The following PAPPA2 variants were observed in gnomAD, a reference collection of about 807,000 sequenced individuals.
The protein encoded by PAPPA2 is pappalysin 2.
Under a neutral mutation model 176.4 loss-of-function variants are expected in PAPPA2, and 86 were observed. The ratio of observed to expected loss-of-function variants is 0.49; its 90% CI spans 0.41 to 0.58. PAPPA2 has a LOEUF of 0.58. PAPPA2 is among the 20% of genes least tolerant of loss of function. The pLI is 0.00. For missense variants in PAPPA2, 2,073 were observed against 2,256.9 expected (o/e 0.92, Z 1.65); for synonymous variants, 809 against 852.2 (o/e 0.95, Z 0.88).
At chr1:176,724,091 A>G (rs886634013) in intron 12 of PAPPA2, among the ~76,000 whole-genome samples, 1 of 152,342 alleles carries the variant, frequency 6.6e-6, no homozygotes, top group Non-Finnish European at 1.5e-5. Context: ...GCCTCCTTCA[A>G]TTAGCATTCA....
chr1:176,478,658 C>T (rs878884923), intron 1 of PAPPA2, among the ~76,000 whole-genome samples: 1 of 152,230 alleles, frequency 6.6e-6, no homozygotes, highest in South Asian at 2.1e-4. Flanking sequence ...TATTGTGCCA[C>T]AATGTTCTTG....
At chr1:176,544,783 A>G (rs188990546) in intron 1 of PAPPA2, among the ~76,000 whole-genome samples, 68 of 152,312 alleles carry the variant, frequency 4.5e-4, no homozygotes, top group Admixed American at 1.0e-3. Flanking sequence ...TACAAATCTG[A>G]GGTTCCCATA....
intron 2 of PAPPA2, among the ~76,000 whole-genome samples, chr1:176,583,471 C>T (rs1455208304): frequency 4.0e-5 from 6 of 151,846 alleles, no homozygotes; most frequent in South Asian, 4.2e-4. Flanking sequence ...ATTTCTTCAC[C>T]CATTAGATAT....
chr1:176,768,167 C>T (rs1664060966), intron 15 of PAPPA2, among the ~76,000 whole-genome samples: 1 of 152,154 alleles, frequency 6.6e-6, no homozygotes, highest in Non-Finnish European at 1.5e-5. Context: ...TTCAAACAAG[C>T]CATAAGCTTC....
intron 1 of PAPPA2, among the ~76,000 whole-genome samples, chr1:176,550,985 T>C (rs975766025): frequency 2.6e-5 from 4 of 152,140 alleles, no homozygotes; most frequent in African/African-American, 9.7e-5. Flanking sequence ...GTGAAGACAG[T>C]GCGTAGCCAG....
At chr1:176,578,525 T>C (rs1489371677) in intron 2 of PAPPA2, among the ~76,000 whole-genome samples, 1 of 152,134 alleles carries the variant, frequency 6.6e-6, no homozygotes, top group African/African-American at 2.4e-5. Context: ...CCTTTCTTGT[T>C]CCTGTGGTAA....
intron 4 of PAPPA2, among the ~76,000 whole-genome samples, chr1:176,672,312 G>A (rs1444469580): frequency 6.6e-6 from 1 of 151,988 alleles, no homozygotes; most frequent in South Asian, 2.1e-4. Context: ...GTTGGAAAAA[G>A]AATAGTTAGA....
intron 17 of PAPPA2, among the ~76,000 whole-genome samples, chr1:176,777,640 G>A (rs1358017400): frequency 6.6e-6 from 1 of 151,974 alleles, no homozygotes. Flanking sequence ...CTATTTATTA[G>A]CTTTTTGACC....
At chr1:176,818,361 T>G (rs754100547) in intron 21 of PAPPA2, among the ~76,000 whole-genome samples, 5 of 152,170 alleles carry the variant, frequency 3.3e-5, no homozygotes, top group Non-Finnish European at 7.4e-5. Context: ...ACAAAGTTTA[T>G]AGAGTAGCAG....
chr1:176,720,480 CT>C (rs1661569127), intron 12 of PAPPA2, among the ~76,000 whole-genome samples: 1 of 152,050 alleles, frequency 6.6e-6, no homozygotes, highest in Non-Finnish European at 1.5e-5. Flanking sequence ...CAGTTTTAAA[CT>C]TACCAACTTA....
At chr1:176,543,078 A>G (rs973626100) in intron 1 of PAPPA2, among the ~76,000 whole-genome samples, 2 of 152,122 alleles carry the variant, frequency 1.3e-5, no homozygotes, top group Admixed American at 1.3e-4. Flanking sequence ...ACAACCACCT[A>G]CAACATCTCT....
chr1:176,575,752 A>G (rs1459443757), intron 2 of PAPPA2, among the ~76,000 whole-genome samples: 1 of 152,228 alleles, frequency 6.6e-6, no homozygotes, highest in Admixed American at 6.5e-5. Flanking sequence ...TAGATATATC[A>G]TTAGTTTTAT....
intron 4 of PAPPA2, among the ~76,000 whole-genome samples, chr1:176,682,397 C>CA (rs1204591316): frequency 6.6e-6 from 1 of 152,180 alleles, no homozygotes; most frequent in Non-Finnish European, 1.5e-5. Flanking sequence ...TTACAGTCTA[C>CA]AACCTGATGG....
intron 21 of PAPPA2, among the ~76,000 whole-genome samples, chr1:176,804,503 G>C (rs1417417544): frequency 6.6e-6 from 1 of 152,090 alleles, no homozygotes; most frequent in Non-Finnish European, 1.5e-5. Context: ...TACTGCCCTT[G>C]AGACACTGCT....
intron 1 of PAPPA2, among the ~76,000 whole-genome samples, chr1:176,531,597 C>A (rs931079421): frequency 2.0e-5 from 3 of 152,158 alleles, no homozygotes; most frequent in African/African-American, 7.2e-5. Context: ...GTTCCACCTT[C>A]ATGAAGAACA....
intron 1 of PAPPA2, among the ~76,000 whole-genome samples, chr1:176,525,955 A>G (rs997506065): frequency 6.6e-6 from 1 of 152,162 alleles, no homozygotes; most frequent in South Asian, 2.1e-4. Flanking sequence ...GTGGGCTGCT[A>G]GGATCTGTAT....
At chr1:176,750,461 C>T (rs1284418564) in intron 14 of PAPPA2, among the ~76,000 whole-genome samples, 1 of 151,960 alleles carries the variant, frequency 6.6e-6, no homozygotes, top group Non-Finnish European at 1.5e-5. Flanking sequence ...ATAAATTAGC[C>T]TGGTGTGCTG....
chr1:176,813,893 T>C (rs1046492913), intron 21 of PAPPA2, among the ~76,000 whole-genome samples: 23 of 152,244 alleles, frequency 1.5e-4, no homozygotes, highest in African/African-American at 4.8e-4. Flanking sequence ...GCCTAGATTT[T>C]CTTCTAGGGT....
At chr1:176,535,666 G>A (rs956583325) in intron 1 of PAPPA2, among the ~76,000 whole-genome samples, 2 of 152,120 alleles carry the variant, frequency 1.3e-5, no homozygotes, top group African/African-American at 4.8e-5. Flanking sequence ...ATGAGAATGG[G>A]ATCAGACAGA....
Sources: allele counts gnomAD v4.1 joint callset (sites outside exome capture counted in the v4.1 genomes callset), GRCh38; gene constraint gnomAD v4.1.1; transcripts MANE v1.5; gene names NCBI Gene and HGNC (gene_info 2026-07-23, HGNC 2026-07-21).